LYPLAL1: variants seen among roughly 807,000 people sequenced by gnomAD.
LYPLAL1 encodes lysophospholipase like 1, also known as lysophospholipase-like protein 1.
Under a neutral mutation model 19.7 loss-of-function variants are expected in LYPLAL1, and 23 were observed. The ratio of observed to expected loss-of-function variants is 1.17; its 90% confidence interval spans 0.84 to 1.65. LYPLAL1 has a LOEUF of 1.65. Ranked by LOEUF, LYPLAL1 falls within the 40% of genes most tolerant of loss-of-function variation. The pLI is 0.00. For synonymous variants in LYPLAL1, 119 were observed against 96.3 expected, an observed-to-expected ratio of 1.24 and a Z score of -1.38; for missense variants, 355 against 279.4, an observed-to-expected ratio of 1.27 and a Z score of -1.93.
the LYPLAL1 span, among the ~76,000 whole-genome samples, chr1:219,424,511 G>A: frequency 6.6e-6 from 1 of 152,134 alleles, no homozygotes; most frequent in East Asian, 1.9e-4. Flanking sequence ...ATTTCAGATG[G>A]ATGGAACCGG....
At chr1:219,327,064 A>C in the LYPLAL1 span, among the ~76,000 whole-genome samples, 1 of 152,132 alleles carries the variant, frequency 6.6e-6, no homozygotes, top group Non-Finnish European at 1.5e-5. Context: ...GCACCACTGC[A>C]CACCACCTCA....
the LYPLAL1 span, among the ~76,000 whole-genome samples, chr1:219,313,735 A>G: frequency 1.3e-5 from 2 of 152,066 alleles, no homozygotes; most frequent in Non-Finnish European, 2.9e-5. Context: ...GGGTTTCACC[A>G]TGTTGGCCAG....
chr1:219,404,786 C>T, the LYPLAL1 span, among the ~76,000 whole-genome samples: 1 of 152,180 alleles, frequency 6.6e-6, no homozygotes, highest in South Asian at 2.1e-4. Flanking sequence ...GAAATGTCCT[C>T]AACACAAAGA....
At chr1:219,411,290 C>G in the LYPLAL1 span, among the ~76,000 whole-genome samples, 8 of 151,688 alleles carry the variant, frequency 5.3e-5, no homozygotes, top group African/African-American at 1.7e-4. Flanking sequence ...TGTAAAGACA[C>G]CAATCAGCAC....
At chr1:219,359,598 A>G in the LYPLAL1 span, among the ~76,000 whole-genome samples, 1 of 152,232 alleles carries the variant, frequency 6.6e-6, no homozygotes, top group African/African-American at 2.4e-5. Context: ...TGAGATGTGG[A>G]TTTAATGATC....
At chr1:219,430,339 C>G in the LYPLAL1 span, among the ~76,000 whole-genome samples, 3 of 143,964 alleles carry the variant, frequency 2.1e-5, no homozygotes, top group African/African-American at 7.7e-5. Flanking sequence ...GTTCCAGATT[C>G]AATTCTGTGT....
the LYPLAL1 span, among the ~76,000 whole-genome samples, chr1:219,314,393 TCAC>T: frequency 6.6e-6 from 1 of 152,252 alleles, no homozygotes; most frequent in Non-Finnish European, 1.5e-5. Flanking sequence ...CTTTGAGAAA[TCAC>T]CAAACTGCTT....
At chr1:219,181,367 T>G (rs540228681) in intron 2 of LYPLAL1, among the ~76,000 whole-genome samples, 28 of 152,310 alleles carry the variant, frequency 1.8e-4, no homozygotes, top group African/African-American at 6.7e-4. Context: ...GTTTTAGAAC[T>G]TAAAGAGGAG....
At chr1:219,328,218 GGGTTGGCGATACTTCC>G in the LYPLAL1 span, among the ~76,000 whole-genome samples, 1 of 152,108 alleles carries the variant, frequency 6.6e-6, no homozygotes, top group Non-Finnish European at 1.5e-5. Context: ...TCTGACATCT[GGGTTGGCGATACTTCC>G]GGTTTCTCAC....
chr1:219,394,418 C>T, the LYPLAL1 span, among the ~76,000 whole-genome samples: 10 of 152,088 alleles, frequency 6.6e-5, no homozygotes, highest in Non-Finnish European at 2.9e-5. Context: ...CCGCTATCAC[C>T]ATCATCCACT....
At chr1:219,375,522 AATAG>A in the LYPLAL1 span, among the ~76,000 whole-genome samples, 1 of 151,090 alleles carries the variant, frequency 6.6e-6, no homozygotes, top group African/African-American at 2.4e-5. Context: ...AAAAGGAACA[AATAG>A]AAGAAGCTCA....
chr1:219,363,026 C>T, the LYPLAL1 span, among the ~76,000 whole-genome samples: 2,195 of 152,086 alleles, frequency 0.014, 67 homozygotes, highest in Admixed American at 0.086. Flanking sequence ...TGTAGAACTC[C>T]GATTGTGCCT....
chr1:219,433,222 C>T, the LYPLAL1 span, among the ~76,000 whole-genome samples: 1 of 152,126 alleles, frequency 6.6e-6, no homozygotes, highest in Non-Finnish European at 1.5e-5. Flanking sequence ...AGTGAGAAAG[C>T]GGGAGGACTG....
the LYPLAL1 span, among the ~76,000 whole-genome samples, chr1:219,426,879 G>A: frequency 0.078 from 11,939 of 152,228 alleles, 573 homozygotes; most frequent in Middle Eastern, 0.17. Flanking sequence ...GATTACAGGC[G>A]TGAGCCACCA....
the LYPLAL1 span, among the ~76,000 whole-genome samples, chr1:219,265,990 A>T: frequency 9.2e-5 from 14 of 152,220 alleles, no homozygotes; most frequent in African/African-American, 3.4e-4. Context: ...AGTGAATGGT[A>T]AGTGAACATA....
At chr1:219,364,478 T>C in the LYPLAL1 span, among the ~76,000 whole-genome samples, 1 of 152,102 alleles carries the variant, frequency 6.6e-6, no homozygotes, top group Non-Finnish European at 1.5e-5. Context: ...CTGATTAATC[T>C]CTCTAATGTA....
Position 219,212,526 on chromosome 1 carries a change from A to T in LYPLAL1, c.*798A>T, listed in dbSNP as rs1659121713. On this transcript the variant is annotated 3_prime_UTR_variant, in exon 5 of 5. Transcript: ENST00000366928. ...GATGACTGAAAAATTGTATTACTTC[A>T]ATGAAAATACTATAAATAATAACAT... The T allele has an allele frequency of 6.6e-6, 1 of 152,034 alleles. No homozygotes were observed. Among genetic ancestry groups the T allele is most frequent in the South Asian group, 2.1e-4 (1 of 4,832 alleles). 9.4% of individuals were successfully genotyped at this position (152,034 alleles called of 1,614,324 possible). A position where few individuals can be genotyped will look rare whatever the true frequency, so the allele number is the denominator to read the frequency against.
At chr1:219,207,134 T>C (rs1401978233) in intron 3 of LYPLAL1, among the ~76,000 whole-genome samples, 1 of 152,088 alleles carries the variant, frequency 6.6e-6, no homozygotes, top group Non-Finnish European at 1.5e-5. Context: ...GGCAGACACA[T>C]AATTCAGGCT....
At chr1:219,211,253 G>A (rs768888312) in intron 4 of LYPLAL1, among the ~76,000 whole-genome samples, 1 of 151,960 alleles carries the variant, frequency 6.6e-6, no homozygotes, top group Non-Finnish European at 1.5e-5. Context: ...TTTTTAAGAC[G>A]TCCTCTATAG....
Sources: gnomAD v4.1 joint callset for allele counts (sites outside exome capture counted in the v4.1 genomes callset) on GRCh38, gnomAD v4.1.1 for gene constraint, MANE v1.5 for transcripts, NCBI Gene and HGNC (gene_info 2026-07-23, HGNC 2026-07-21) for gene names.